PIR: variants seen among roughly 807,000 people sequenced by gnomAD.
PIR encodes pirin (iron-binding nuclear protein).
A neutral mutation model predicts 24.2 loss-of-function variants in PIR; 22 were observed. The ratio of observed to expected loss-of-function variants is 0.91; its 90% confidence interval spans 0.65 to 1.30. PIR has a LOEUF of 1.30. Ranked by LOEUF, PIR falls within the 50% of genes most tolerant of loss-of-function variation. The pLI, the probability that PIR is intolerant of heterozygous loss-of-function variation, is 0.00. For missense variants in PIR, 220 were observed against 220.3 expected (o/e 1.00, Z 0.01); for synonymous variants, 80 against 79.6 (o/e 1.00, Z -0.03).
At chrX:15,399,130 A>G (rs1257069608) in intron 7 of PIR, among the ~76,000 whole-genome samples, 2 of 111,654 alleles carry the variant, frequency 1.8e-5, no homozygotes, top group Non-Finnish European at 3.8e-5. Context: ...AGGAGAGAGA[A>G]GGTTTCAAAT....
chrX:15,422,768 C>T (rs1925178406), intron 6 of PIR, among the ~76,000 whole-genome samples: 1 of 111,627 alleles, frequency 9.0e-6, no homozygotes. Context: ...AAGCAATGTA[C>T]AGATTCAATG....
intron 6 of PIR, among the ~76,000 whole-genome samples, chrX:15,421,958 A>C (rs1403932756): frequency 8.9e-6 from 1 of 112,095 alleles, no homozygotes; most frequent in Non-Finnish European, 1.9e-5. Flanking sequence ...ATCAAGTGTG[A>C]TTCATCCCAA....
At chrX:15,461,096 C>T (rs1027183932) in intron 3 of PIR, among the ~76,000 whole-genome samples, 7 of 111,455 alleles carry the variant, frequency 6.3e-5, no homozygotes, top group African/African-American at 2.3e-4. Context: ...TGAAAAGAGC[C>T]GCCACTCACC....
chrX:15,491,271 A>G lies in PIR; in HGVS notation c.-14T>C. On this transcript the variant is annotated 5_prime_UTR_variant, in exon 2 of 10. Coordinates refer to ENST00000380420, the MANE Select transcript of PIR (RefSeq NM_001018109.3). The stretch of plus-strand genomic sequence containing the variant: ...GGAGGACCCCATATCGGAGTCTAAA[A>G]AGAGAGTGTTCTGATGCTGAGCTGT... The G allele has an allele frequency of 1.6e-5, 18 of 1,109,683 alleles. No homozygotes were observed. Among genetic ancestry groups the G allele is most frequent in the Non-Finnish European group, 2.2e-5 (18 of 806,519 alleles). The allele number at this position is 1,109,683 out of a possible 1,213,427, so 91.5% of individuals were successfully genotyped here.
chrX:15,440,352 T>C (rs769769974), intron 5 of PIR, among the ~76,000 whole-genome samples: 15 of 111,484 alleles, frequency 1.3e-4, no homozygotes, highest in Admixed American at 1.1e-3. Context: ...TTCCATCATA[T>C]GTAACCACCA....
At chrX:15,444,490 C>A (rs1286052041) in intron 5 of PIR, among the ~76,000 whole-genome samples, 2 of 111,609 alleles carry the variant, frequency 1.8e-5, no homozygotes, top group East Asian at 2.8e-4. Context: ...TGATCTGGAA[C>A]TGAACCCACA....
chrX:15,400,746 T>A (rs995203178), intron 7 of PIR, among the ~76,000 whole-genome samples: 2 of 106,205 alleles, frequency 1.9e-5, no homozygotes, highest in Admixed American at 2.0e-4. Flanking sequence ...TTTATTTATT[T>A]ATATATTTAT....
At chrX:15,473,332 C>G (rs1922020678) in intron 3 of PIR, among the ~76,000 whole-genome samples, 1 of 110,940 alleles carries the variant, frequency 9.0e-6, no homozygotes, top group Non-Finnish European at 1.9e-5. Context: ...AACAGCCCCC[C>G]CATAGCAAAG....
At chrX:15,406,719 AGGAT>A (rs918913287) in intron 7 of PIR, among the ~76,000 whole-genome samples, 3 of 111,389 alleles carry the variant, frequency 2.7e-5, no homozygotes, top group Non-Finnish European at 5.7e-5. Flanking sequence ...TGCTTTTAGG[AGGAT>A]GGGAAGGGGA....
intron 3 of PIR, among the ~76,000 whole-genome samples, chrX:15,461,279 C>G (rs1377493820): frequency 9.0e-6 from 1 of 111,701 alleles, no homozygotes; most frequent in Non-Finnish European, 1.9e-5. Flanking sequence ...TCAGGAAATC[C>G]AAAGGAAACA....
intron 9 of PIR, among the ~76,000 whole-genome samples, chrX:15,385,922 T>C (rs1450460410): frequency 8.9e-6 from 1 of 112,150 alleles, no homozygotes; most frequent in East Asian, 2.8e-4. Flanking sequence ...GCTAAAAATG[T>C]ACAAGAAGTC....
chrX:15,416,804 A>C (rs943065035), intron 6 of PIR, among the ~76,000 whole-genome samples: 1 of 112,175 alleles, frequency 8.9e-6, no homozygotes. Flanking sequence ...GTGGCCAAAA[A>C]CAAGAGAGCA....
At chrX:15,467,693 A>C (rs1038555471) in intron 3 of PIR, among the ~76,000 whole-genome samples, 1 of 111,643 alleles carries the variant, frequency 9.0e-6, no homozygotes, top group African/African-American at 3.3e-5. Flanking sequence ...CAACTGACTT[A>C]TTTGTCTCTT....
Position 15,387,068 on chromosome X carries a change from CTTTTCTTTTTTTTTTTTT to C in PIR, c.761-1970_761-1953del, listed in dbSNP as rs746892187. ...ATATTTTTTGTTTTGTTTTTCTTTT[CTTTTCTTTTTTTTTTTTT>C]TTTTTTTTTTTTTTTTTTTTGAGAC... On this transcript the variant is annotated intron_variant, in intron 9 of 9. Transcript: ENST00000380420. Among the ~76,000 whole-genome samples the C allele has an allele frequency of 2.4e-3, 150 of 62,059 alleles. 10 individuals carry two copies. Among genetic ancestry groups the C allele is most frequent in the South Asian group, 4.5e-3 (5 of 1,123 alleles). 53.9% of individuals were successfully genotyped at this position (62,059 alleles called of 115,157 possible).
chrX:15,428,809 A>G (rs888474046), intron 5 of PIR, among the ~76,000 whole-genome samples: 3 of 111,593 alleles, frequency 2.7e-5, no homozygotes, highest in African/African-American at 9.8e-5. Flanking sequence ...GTGCCCAGCT[A>G]GAGGTATTGC....
intron 5 of PIR, among the ~76,000 whole-genome samples, chrX:15,454,462 C>T (rs1310602533): frequency 1.0e-5 from 1 of 98,017 alleles, no homozygotes; most frequent in African/African-American, 3.7e-5. Flanking sequence ...TATACCTAGG[C>T]AGGGTACAGG....
At chrX:15,418,338 T>C (rs945768413) in intron 6 of PIR, among the ~76,000 whole-genome samples, 1 of 112,188 alleles carries the variant, frequency 8.9e-6, no homozygotes, top group Non-Finnish European at 1.9e-5. Flanking sequence ...CCTAGAAATA[T>C]AGATTTATGT....
At chrX:15,450,983 A>C (rs1382083527) in intron 5 of PIR, among the ~76,000 whole-genome samples, 1 of 111,035 alleles carries the variant, frequency 9.0e-6, no homozygotes, top group Admixed American at 9.6e-5. Context: ...AGTGGCTTGC[A>C]CAGTGGCCAG....
chrX:15,441,963 A>T (rs1030542348), intron 5 of PIR, among the ~76,000 whole-genome samples: 1 of 110,945 alleles, frequency 9.0e-6, no homozygotes, highest in Non-Finnish European at 1.9e-5. Flanking sequence ...TATCTGGCCA[A>T]CTCCTCAGTC....
Sources: gnomAD v4.1 joint callset for allele counts (sites outside exome capture counted in the v4.1 genomes callset) on GRCh38, gnomAD v4.1.1 for gene constraint, MANE v1.5 for transcripts, NCBI Gene and HGNC (gene_info 2026-07-23, HGNC 2026-07-21) for gene names.